The following RWDD1 variants were observed in gnomAD, a reference collection of about 807,000 sequenced individuals.
RWDD1 encodes the protein RWD domain-containing protein 1.
Under a neutral mutation model 31.6 loss-of-function variants are expected in RWDD1, and 17 were observed. That is an observed-to-expected ratio of 0.54 (90% CI 0.37 to 0.81). The LOEUF (loss-of-function observed/expected upper bound fraction) is 0.81, where lower values mean the gene tolerates loss of function less well. RWDD1 is among the 30% of genes least tolerant of loss of function. The pLI is 0.00. For synonymous variants in RWDD1, 78 were observed against 94.2 expected (o/e 0.83, Z 0.99); for missense variants, 204 against 274.5 (o/e 0.74, Z 1.82).
intron 1 of RWDD1, among the ~76,000 whole-genome samples, chr6:116,575,509 C>T (rs764833599): frequency 6.6e-6 from 1 of 152,188 alleles, no homozygotes; most frequent in Non-Finnish European, 1.5e-5. Context: ...TTTATCAGAA[C>T]TTAGGAATTA....
rs1035989387 is a variant in RWDD1 at position 116,593,958 on chromosome 6, A to AG, written c.*859dup. Reference sequence around the variant, plus strand: ...AGACTCCGTCTCAAAAAAAAAAAAAAGGTTTATTTGGCTCATAATTCTGGA... The same window carrying AG: ...AGACTCCGTCTCAAAAAAAAAAAAAAGGGTTTATTTGGCTCATAATTCTGGA... On this transcript the variant is annotated 3_prime_UTR_variant, in exon 7 of 7. Transcript: ENST00000466444. 1 of 144,150 alleles carries AG rather than the reference A, an allele frequency of 6.9e-6. No homozygotes were observed. Among genetic ancestry groups the AG allele is most frequent in the African/African-American group, 2.7e-5 (1 of 36,370 alleles). The allele number at this position is 144,150 out of a possible 1,614,324, so 8.9% of individuals were successfully genotyped here.
At chr6:116,584,901 C>T in intron 3 of RWDD1, 44 bp downstream of exon 3, 1 of 1,435,754 alleles carries the variant, frequency 7.0e-7, no homozygotes, top group Non-Finnish European at 9.7e-7. Context: ...CATTTATTGG[C>T]CTTAAATATT....
chr6:116,592,601 C>T (rs193057688), intron 6 of RWDD1, among the ~76,000 whole-genome samples: 112 of 152,292 alleles, frequency 7.4e-4, no homozygotes, highest in African/African-American at 2.6e-3. Context: ...TGAGCTTTAA[C>T]GATGTGCTTA....
At chr6:116,589,336 A>G (rs2115335286) in intron 4 of RWDD1, among the ~76,000 whole-genome samples, 1 of 152,310 alleles carries the variant, frequency 6.6e-6, no homozygotes, top group South Asian at 2.1e-4. Flanking sequence ...ATACACTAAC[A>G]ATAGCTGATG....
intron 6 of RWDD1, 148 bp downstream of exon 6, chr6:116,591,098 T>TAAAAAA: frequency 2.5e-6 from 2 of 810,920 alleles, no homozygotes; most frequent in Non-Finnish European, 3.2e-6. Context: ...CTGACTCTAT[T>TAAAAAA]AAAAAAAAAA....
intron 3 of RWDD1, among the ~76,000 whole-genome samples, chr6:116,588,053 A>G (rs771010815): frequency 5.3e-5 from 8 of 152,140 alleles, no homozygotes; most frequent in Non-Finnish European, 1.0e-4. Context: ...TTTGTCACTC[A>G]GGAGAGAAGT....
At chr6:116,592,595 C>T (rs1303993427) in intron 6 of RWDD1, among the ~76,000 whole-genome samples, 1 of 152,174 alleles carries the variant, frequency 6.6e-6, no homozygotes, top group South Asian at 2.1e-4. Flanking sequence ...TATGGCTGAG[C>T]TTTAACGATG....
At chr6:116,576,983 T>G (rs1338393605) in intron 1 of RWDD1, among the ~76,000 whole-genome samples, 2 of 152,180 alleles carry the variant, frequency 1.3e-5, no homozygotes, top group African/African-American at 2.4e-5. Flanking sequence ...CCCACTTTAT[T>G]CCCACACAGA....
At chr6:116,581,546 C>G (rs895055820) in intron 2 of RWDD1, among the ~76,000 whole-genome samples, 1 of 151,948 alleles carries the variant, frequency 6.6e-6, no homozygotes. Context: ...AAACTAAATC[C>G]TGCATTGTAC....
At chr6:116,571,768 C>G (rs969819930) in intron 1 of RWDD1, 113 bp downstream of exon 1, 2 of 820,936 alleles carry the variant, frequency 2.4e-6, no homozygotes, top group African/African-American at 1.8e-5. Context: ...CTTGAGGCCG[C>G]GCGGCCACCT....
Position 116,590,958 on chromosome 6 carries a change from A to G in RWDD1, c.610+8A>G. The G allele has an allele frequency of 6.4e-7, 1 of 1,572,456 alleles. No individual in the cohort carries two copies. On this transcript the variant is annotated splice_region_variant and intron_variant, in intron 6 of 6. Coordinates refer to ENST00000466444, the MANE Select transcript of RWDD1 (RefSeq NM_015952.4). ...TCCAGTTCTTGGAGGATGGTAAGATAATAGTAGAATTCCACATGTGGGACA... is the reference window on the plus strand; with the variant it reads ...TCCAGTTCTTGGAGGATGGTAAGATGATAGTAGAATTCCACATGTGGGACA...
rs200752103 is a variant in RWDD1, at chr6:116,589,072, AT to A, written c.414+95del. On this transcript the variant is annotated intron_variant, in intron 4 of 6. Transcript: ENST00000466444. ...GGGTTTTTTTTTAATCAATAGCAGT[AT>A]TTTTTTTGGAAATCACAAAAATAAA... 1.8e-3 allele frequency: 1,960 copies of A among 1,076,176 alleles called. 14 individuals carry two copies. In the African/African-American group the frequency reaches 0.021, roughly 11 times the overall value. The allele number at this position is 1,076,176 out of a possible 1,614,324, so 66.7% of individuals were successfully genotyped here. A position where few individuals can be genotyped will look rare whatever the true frequency, so the allele number is the denominator to read the frequency against.
chr6:116,591,089 T>A (rs1775136530), intron 6 of RWDD1, 139 bp downstream of exon 6: 4 of 1,103,426 alleles, frequency 3.6e-6, no homozygotes, highest in Non-Finnish European at 4.7e-6. Flanking sequence ...AGTGAGACCC[T>A]GACTCTATTA....
intron 1 of RWDD1, among the ~76,000 whole-genome samples, chr6:116,574,606 C>T (rs886220667): frequency 1.3e-5 from 2 of 152,034 alleles, no homozygotes; most frequent in Non-Finnish European, 1.5e-5. Context: ...ACCATCTGTC[C>T]CCTAACATCT....
chr6:116,578,881 T>C (rs1774900161), intron 1 of RWDD1, among the ~76,000 whole-genome samples: 1 of 128,948 alleles, frequency 7.8e-6, no homozygotes, highest in Admixed American at 8.0e-5. Flanking sequence ...GTTTTTGGGG[T>C]TTTCTTTTTT....
rs1436484870 is a variant in RWDD1 at position 116,594,510 on chromosome 6, G to T, written c.*1409G>T. ...CAGATTATTCTGATGCACAATCTGG[G>T]TTAAGAACCACTGTCCTGTAGTCGT... is the stretch of plus-strand genomic sequence containing the variant. On this transcript the variant is annotated 3_prime_UTR_variant, in exon 7 of 7. Transcript: ENST00000466444. The T allele has an allele frequency of 3.3e-5, 5 of 152,156 alleles. No individual in the cohort carries two copies. The highest frequency in any genetic ancestry group is 1.2e-4 in the African/African-American group (5 of 41,428). 9.4% of individuals were successfully genotyped at this position (152,156 alleles called of 1,614,324 possible).
At position 116,571,514 on chromosome 6, in the gene RWDD1, G is replaced by C. The variant is rs1346331230; in HGVS notation, c.-69G>C. 10 of 1,503,194 alleles carry C rather than the reference G, an allele frequency of 6.7e-6. No homozygotes were observed. Among genetic ancestry groups the C allele is most frequent in the South Asian group, 1.2e-5 (1 of 80,650 alleles). The allele number at this position is 1,503,194 out of a possible 1,614,324, so 93.1% of individuals were successfully genotyped here. A position where few individuals can be genotyped will look rare whatever the true frequency, so the allele number is the denominator to read the frequency against. ...TGGCCGCCGCCCGCTCTCCCGGCGCGGCAGCTGTCTGGGCTGCTGCGCGCC... is the reference window on the plus strand; with the variant it reads ...TGGCCGCCGCCCGCTCTCCCGGCGCCGCAGCTGTCTGGGCTGCTGCGCGCC... On this transcript the variant is annotated 5_prime_UTR_variant, in exon 1 of 7. Coordinates refer to ENST00000466444, the MANE Select transcript of RWDD1 (RefSeq NM_015952.4).
chr6:116,585,575 CTCTAA>C (rs1281804917), intron 3 of RWDD1, among the ~76,000 whole-genome samples: 1 of 152,042 alleles, frequency 6.6e-6, no homozygotes, highest in Non-Finnish European at 1.5e-5. Flanking sequence ...TATTTGTTTA[CTCTAA>C]GAAGAATTGA....
intron 1 of RWDD1, chr6:116,573,963 C>A: frequency 1.0e-6 from 1 of 980,772 alleles, no homozygotes; most frequent in Non-Finnish European, 1.2e-6. Flanking sequence ...GAATTAATTG[C>A]TTTGACTATT....
Sources: gnomAD v4.1 joint callset for allele counts (sites outside exome capture counted in the v4.1 genomes callset) on GRCh38, gnomAD v4.1.1 for gene constraint, MANE v1.5 for transcripts, NCBI Gene and HGNC (gene_info 2026-07-23, HGNC 2026-07-21) for gene names.